Variants in ELL2 observed in about 807,000 individuals in gnomAD.
ELL2 encodes elongation factor for RNA polymerase II 2.
ELL2 carries 21 observed loss-of-function variants against 72.8 expected under a neutral mutation model. The observed-to-expected ratio is 0.29, with a 90% CI of 0.20 to 0.42. The LOEUF (loss-of-function observed/expected upper bound fraction) is 0.42, where lower values mean the gene tolerates loss of function less well. Among genes scored for constraint, ELL2 ranks in the 10% least tolerant of loss-of-function variants. ELL2 has a pLI of 1.00. For missense variants in ELL2, 568 were observed against 772.8 expected, an observed-to-expected ratio of 0.73 and a Z score of 3.14; for synonymous variants, 266 against 283.2, an observed-to-expected ratio of 0.94 and a Z score of 0.61.
chr5:95,952,300 C>T (rs1346532886), intron 1 of ELL2, among the ~76,000 whole-genome samples: 3 of 152,106 alleles, frequency 2.0e-5, no homozygotes, highest in African/African-American at 7.2e-5. Context: ...CTAGGGCCTA[C>T]TTTGAGGGTG....
intron 2 of ELL2, among the ~76,000 whole-genome samples, chr5:95,936,318 G>A (rs143105504): frequency 2.4e-4 from 37 of 152,298 alleles, no homozygotes; most frequent in African/African-American, 7.5e-4. Context: ...GAATGTATAC[G>A]TACCTATATA....
At chr5:95,907,296 A>ATATTTTTTTTTTTTTTTTTT in intron 4 of ELL2, among the ~76,000 whole-genome samples, 5 of 116,486 alleles carry the variant, frequency 4.3e-5, no homozygotes, top group African/African-American at 1.6e-4. Context: ...ATATATATAT[A>ATATTTTTTTTTTTTTTTTTT]TTTTTTTTTT....
chr5:95,895,185 G>T (rs1425921621), intron 9 of ELL2, among the ~76,000 whole-genome samples: 1 of 152,140 alleles, frequency 6.6e-6, no homozygotes, highest in East Asian at 1.9e-4. Context: ...TTAATTTGAG[G>T]GCAGAACTTA....
At chr5:95,905,518 T>C (rs10069748) in intron 5 of ELL2, among the ~76,000 whole-genome samples, 56,540 of 151,694 alleles carry the variant, frequency 0.37, 11,828 homozygotes, top group African/African-American at 0.58. Flanking sequence ...TTTGAGCTCT[T>C]AAAACTGCTA....
intron 9 of ELL2, among the ~76,000 whole-genome samples, chr5:95,893,897 A>G (rs1237721506): frequency 6.6e-6 from 1 of 152,240 alleles, no homozygotes; most frequent in Non-Finnish European, 1.5e-5. Flanking sequence ...CATGACAAAC[A>G]TACAGAAATG....
intron 9 of ELL2, among the ~76,000 whole-genome samples, chr5:95,891,861 A>G (rs1406163790): frequency 6.6e-6 from 1 of 152,224 alleles, no homozygotes; most frequent in Non-Finnish European, 1.5e-5. Context: ...TACATGAAAC[A>G]CAAAAGGGAA....
At chr5:95,942,072 C>T (rs57595413) in intron 2 of ELL2, among the ~76,000 whole-genome samples, 48,446 of 151,988 alleles carry the variant, frequency 0.32, 9,075 homozygotes, top group African/African-American at 0.52. Flanking sequence ...GTACTCTTGG[C>T]CTGTGTTGAA....
At chr5:95,949,926 C>G (rs1487437981) in intron 1 of ELL2, among the ~76,000 whole-genome samples, 1 of 152,176 alleles carries the variant, frequency 6.6e-6, no homozygotes, top group Admixed American at 6.5e-5. Flanking sequence ...GGGGTAGATA[C>G]TATTATTCTC....
chr5:95,929,940 A>G (rs1451719697), intron 2 of ELL2, among the ~76,000 whole-genome samples: 1 of 152,200 alleles, frequency 6.6e-6, no homozygotes, highest in African/African-American at 2.4e-5. Flanking sequence ...TTAAGTTCAT[A>G]TTATACATTT....
chr5:95,955,156 T>C (rs780323903), intron 1 of ELL2, among the ~76,000 whole-genome samples: 2 of 152,178 alleles, frequency 1.3e-5, no homozygotes, highest in African/African-American at 2.4e-5. Context: ...ATCCAGTTTC[T>C]GTCTGCTAAA....
chr5:95,914,278 T>C (rs1252019382), intron 3 of ELL2, among the ~76,000 whole-genome samples: 5 of 152,120 alleles, frequency 3.3e-5, no homozygotes, highest in Admixed American at 3.3e-4. Context: ...CTAACACTGA[T>C]ATGAGGAAAG....
chr5:95,960,150 G>C (rs921144503), intron 1 of ELL2, among the ~76,000 whole-genome samples: 21 of 152,024 alleles, frequency 1.4e-4, no homozygotes, highest in Admixed American at 4.6e-4. Context: ...ATGTGAATCT[G>C]TGTCTCGGTG....
chr5:95,907,296 A>ATATATATATATATATTTTTTTTT, intron 4 of ELL2, among the ~76,000 whole-genome samples: 9 of 116,488 alleles, frequency 7.7e-5, no homozygotes, highest in South Asian at 3.1e-4. Context: ...ATATATATAT[A>ATATATATATATATATTTTTTTTT]TTTTTTTTTT....
intron 1 of ELL2, among the ~76,000 whole-genome samples, chr5:95,954,596 C>CTT (rs1169301940): frequency 3.3e-4 from 35 of 105,866 alleles, no homozygotes; most frequent in East Asian, 1.2e-3. Context: ...TTTTTTTTTT[C>CTT]TTTTTTTTTT....
rs1750349685 is a variant in ELL2 at position 95,927,413 on chromosome 5, G to GTATGTGTA, written c.196-7869_196-7868insTACACATA. Among the ~76,000 whole-genome samples, 2 of 32,174 alleles carry GTATGTGTA rather than the reference G, an allele frequency of 6.2e-5. 1 individual carries two copies. Among genetic ancestry groups the GTATGTGTA allele is most frequent in the Non-Finnish European group, 1.1e-4 (2 of 18,950 alleles). 21.1% of individuals were successfully genotyped at this position (32,174 alleles called of 152,430 possible). Reference sequence around the variant, plus strand: ...TATATATAGACATACACACACGTGTGTATATAGACATACACACACACGTGT... The same window carrying GTATGTGTA: ...TATATATAGACATACACACACGTGTGTATGTGTATATATAGACATACACACACACGTGT... On this transcript the variant is annotated intron_variant, in intron 2 of 11. Coordinates refer to ENST00000237853, the MANE Select transcript of ELL2 (RefSeq NM_012081.6).
intron 2 of ELL2, among the ~76,000 whole-genome samples, chr5:95,920,277 ATATTTATTTATTTATTTATTTATTTATT>A (rs70978197): frequency 7.4e-6 from 1 of 135,240 alleles, no homozygotes; most frequent in African/African-American, 2.7e-5. Flanking sequence ...TAAATTTTTA[ATATTTATTTATTTATTTATTTATTTATT>A]TATTTATTTA....
intron 1 of ELL2, among the ~76,000 whole-genome samples, chr5:95,947,875 G>T (rs1751224706): frequency 6.6e-6 from 1 of 151,368 alleles, no homozygotes; most frequent in Admixed American, 6.6e-5. Flanking sequence ...GAAAAAAATA[G>T]TTTTTTTTTC....
At chr5:95,942,005 ACT>A (rs1750987582) in intron 2 of ELL2, among the ~76,000 whole-genome samples, 1 of 152,172 alleles carries the variant, frequency 6.6e-6, no homozygotes, top group Non-Finnish European at 1.5e-5. Flanking sequence ...TAGAAGCAAA[ACT>A]CTGACATCCA....
rs2112276603 is a variant in ELL2, at chr5:95,898,624, T to G, written c.1141A>C (p.Thr381Pro). The G allele has an allele frequency of 3.7e-6, 6 of 1,613,148 alleles. No homozygotes were observed. Among genetic ancestry groups the G allele is most frequent in the Non-Finnish European group, 4.2e-6 (5 of 1,179,416 alleles). ...AIPTPPPLPS[T>P]YLPISHPPQI... ...GGAGGATGTGAGATGGGCAGATAGG[T>G]TGAAGGCAGCGGTGGAGGGGTAGGG... Residue 381 changes from threonine to proline, a missense_variant, in exon 8 of 12, where the codon ACC (threonine) becomes CCC (proline). This residue lies in a region of ELL2 where 511 missense variants were observed against 728.4 expected (regional missense o/e 0.70). Coordinates refer to ENST00000237853, the MANE Select transcript of ELL2 (RefSeq NM_012081.6).
Sources: gnomAD v4.1 joint callset for allele counts (sites outside exome capture counted in the v4.1 genomes callset) on GRCh38, gnomAD v4.1.1 for gene constraint, gnomAD v4.1.1 regional missense constraint, MANE v1.5 for transcripts, NCBI Gene and HGNC (gene_info 2026-07-23, HGNC 2026-07-21) for gene names.